The following TENM4 variants were observed in gnomAD, a reference collection of about 807,000 sequenced individuals.
TENM4 encodes the protein teneurin-4.
TENM4 carries 82 observed loss-of-function variants against 243.3 expected under a neutral mutation model. That is an observed-to-expected ratio of 0.34 (90% CI 0.28 to 0.40). The LOEUF (loss-of-function observed/expected upper bound fraction) is 0.40, where lower values mean the gene tolerates loss of function less well. Ranked by LOEUF, TENM4 falls within the 10% of genes least tolerant of loss-of-function variation. TENM4 has a pLI of 1.00. For missense variants in TENM4, 3,138 were observed against 3,673.3 expected (o/e 0.85, Z 3.77); for synonymous variants, 1,412 against 1,456.3 (o/e 0.97, Z 0.69).
At chr11:78,792,274 T>C (rs999642175) in intron 15 of TENM4, among the ~76,000 whole-genome samples, 3 of 152,330 alleles carry the variant, frequency 2.0e-5, no homozygotes, top group Admixed American at 2.0e-4. Context: ...GGGCTACTAC[T>C]AGAAAAGCAT....
Position 79,148,744 on chromosome 11 carries a change from A to G in TENM4, c.-100T>C. The G allele has an allele frequency of 1.0e-6, 1 of 981,414 alleles. No individual in the cohort carries two copies. The highest frequency in any genetic ancestry group is 1.2e-6 in the Non-Finnish European group (1 of 825,996). 60.8% of individuals were successfully genotyped at this position (981,414 alleles called of 1,614,324 possible). A position where few individuals can be genotyped will look rare whatever the true frequency, so the allele number is the denominator to read the frequency against. On this transcript the variant is annotated 5_prime_UTR_variant, in exon 4 of 34. Coordinates refer to ENST00000278550, the MANE Select transcript of TENM4 (RefSeq NM_001098816.3). The stretch of plus-strand genomic sequence containing the variant: ...AATCTTCTTAAAAGGGTCTAAGAAT[A>G]GTCCTTCAAATAATCCTTGAAGTAT...
rs931660632 is a variant in TENM4, at chr11:79,312,851, A to T, written c.-320-15308T>A. On this transcript the variant is annotated intron_variant, in intron 1 of 33. Coordinates refer to ENST00000278550, the MANE Select transcript of TENM4 (RefSeq NM_001098816.3). ...CTGAAGTGGGCTGTTCCTTTCTCTT[A>T]ATGAGATGCACAATCTCCACTCCAC... Among the ~76,000 whole-genome samples, 5 of 152,164 alleles carry T rather than the reference A, an allele frequency of 3.3e-5. No homozygotes were observed. The East Asian group carries it at 7.7e-4, about 23-fold the overall frequency.
At chr11:78,991,993 T>A (rs1387106115) in intron 6 of TENM4, among the ~76,000 whole-genome samples, 1 of 152,186 alleles carries the variant, frequency 6.6e-6, no homozygotes, top group Non-Finnish European at 1.5e-5. Flanking sequence ...CTGGGACAAC[T>A]ATGGATTTTC....
intron 28 of TENM4, among the ~76,000 whole-genome samples, chr11:78,692,019 C>A (rs1311051188): frequency 6.6e-6 from 1 of 152,120 alleles, no homozygotes; most frequent in Non-Finnish European, 1.5e-5. Context: ...CTACAGAACC[C>A]TTTCTTCTCC....
At chr11:79,367,178 G>A (rs796807592) in intron 1 of TENM4, among the ~76,000 whole-genome samples, 18 of 152,282 alleles carry the variant, frequency 1.2e-4, no homozygotes, top group African/African-American at 4.3e-4. Flanking sequence ...GGGAAACTAA[G>A]GGCTAATTCA....
At chr11:78,921,452 C>T (rs548793168) in intron 6 of TENM4, among the ~76,000 whole-genome samples, 3 of 152,314 alleles carry the variant, frequency 2.0e-5, no homozygotes, top group South Asian at 4.1e-4. Flanking sequence ...TTCTAGATGT[C>T]GAAAGCCTCC....
intron 6 of TENM4, among the ~76,000 whole-genome samples, chr11:78,923,239 A>C (rs1217217829): frequency 6.6e-6 from 1 of 152,052 alleles, no homozygotes; most frequent in East Asian, 1.9e-4. Flanking sequence ...AATTCTGAAA[A>C]AATTTTGAAC....
At chr11:78,685,949 G>A (rs1200392919) in intron 29 of TENM4, among the ~76,000 whole-genome samples, 1 of 152,186 alleles carries the variant, frequency 6.6e-6, no homozygotes, top group Non-Finnish European at 1.5e-5. Flanking sequence ...CATAGTCTTT[G>A]GTTCTAATGT....
At chr11:78,887,607 G>T (rs1224072529) in intron 9 of TENM4, among the ~76,000 whole-genome samples, 1 of 152,178 alleles carries the variant, frequency 6.6e-6, no homozygotes, top group African/African-American at 2.4e-5. Flanking sequence ...AAAATTAAAG[G>T]TTACCCAGTG....
chr11:79,196,249 G>A (rs924085129), intron 3 of TENM4, among the ~76,000 whole-genome samples: 2 of 152,108 alleles, frequency 1.3e-5, no homozygotes, highest in Admixed American at 6.5e-5. Context: ...ACTGAGGGGA[G>A]ATAGCACCAA....
intron 2 of TENM4, among the ~76,000 whole-genome samples, chr11:79,281,554 T>C (rs898816962): frequency 1.3e-5 from 2 of 152,170 alleles, no homozygotes; most frequent in Non-Finnish European, 2.9e-5. Flanking sequence ...TTGGAAATCA[T>C]AGTCAAGATC....
chr11:79,044,048 A>C (rs772695433), intron 6 of TENM4, among the ~76,000 whole-genome samples: 216 of 152,300 alleles, frequency 1.4e-3, no homozygotes, highest in Admixed American at 2.9e-3. Flanking sequence ...GGTCCCAAGG[A>C]TGGGGATTCC....
Position 79,123,802 on chromosome 11 carries a change from C to T in TENM4, c.-66+24908G>A, listed in dbSNP as rs111511373. 8.7e-4 allele frequency among the ~76,000 whole-genome samples: 132 copies of T among 152,180 alleles called. 1 individual carries two copies. The highest frequency in any genetic ancestry group is 2.6e-3 in the African/African-American group (107 of 41,532). On this transcript the variant is annotated intron_variant, in intron 4 of 33. Coordinates refer to ENST00000278550, the MANE Select transcript of TENM4 (RefSeq NM_001098816.3). ...AAGAACAGAGGGGTTTGAATAAACA[C>T]GCAAAAGGGATTCTGGGGCAAATAA... is the stretch of plus-strand genomic sequence containing the variant.
chr11:78,698,000 T>C (rs1859007783), intron 28 of TENM4, among the ~76,000 whole-genome samples: 1 of 152,212 alleles, frequency 6.6e-6, no homozygotes, highest in Non-Finnish European at 1.5e-5. Flanking sequence ...GAAAGTAACC[T>C]TGATTCTCCA....
At chr11:78,663,920 C>G (rs1325265602) in intron 32 of TENM4, among the ~76,000 whole-genome samples, 2 of 152,154 alleles carry the variant, frequency 1.3e-5, no homozygotes, top group Non-Finnish European at 2.9e-5. Context: ...GGCCCCCTCT[C>G]CCGAGTGTGC....
chr11:79,094,791 T>C (rs1861040501), intron 4 of TENM4, among the ~76,000 whole-genome samples: 1 of 152,166 alleles, frequency 6.6e-6, no homozygotes, highest in South Asian at 2.1e-4. Context: ...GAGCTCCTAC[T>C]GCAAGAAGAT....
chr11:78,903,216 G>T, intron 7 of TENM4, 52 bp downstream of exon 7: 1 of 1,463,814 alleles, frequency 6.8e-7, no homozygotes, highest in Non-Finnish European at 9.0e-7. Context: ...ACCTTGGTCC[G>T]GGCCCCGGGT....
intron 1 of TENM4, among the ~76,000 whole-genome samples, chr11:79,314,423 G>A (rs891642076): frequency 6.6e-6 from 1 of 152,204 alleles, no homozygotes; most frequent in Non-Finnish European, 1.5e-5. Flanking sequence ...TACCTGTGGT[G>A]TTGAGTCTTG....
chr11:78,708,941 A>ACCTTTTTT (rs1859327121), intron 26 of TENM4, among the ~76,000 whole-genome samples: 1 of 147,460 alleles, frequency 6.8e-6, no homozygotes, highest in African/African-American at 2.6e-5. Context: ...CTTTTTGGTA[A>ACCTTTTTT]CCATTTTTCT....
Sources: allele counts gnomAD v4.1 joint callset (sites outside exome capture counted in the v4.1 genomes callset), GRCh38; gene constraint gnomAD v4.1.1; transcripts MANE v1.5; gene names NCBI Gene and HGNC (gene_info 2026-07-23, HGNC 2026-07-21).